The following MEF2A variants were observed in gnomAD, a reference collection of about 807,000 sequenced individuals.
MEF2A encodes myocyte-specific enhancer factor 2A.
A neutral mutation model predicts 55.8 loss-of-function variants in MEF2A; 28 were observed. The observed-to-expected ratio is 0.50, with a 90% CI of 0.37 to 0.69. MEF2A has a LOEUF of 0.69. Among genes scored for constraint, MEF2A ranks in the 30% least tolerant of loss-of-function variants. The probability of loss-of-function intolerance (pLI) is 0.00; values close to 1 mark genes in which losing one functional copy is unlikely to be tolerated. For synonymous variants in MEF2A, 239 were observed against 227.1 expected, an observed-to-expected ratio of 1.05 and a Z score of -0.47; for missense variants, 528 against 626.2, an observed-to-expected ratio of 0.84 and a Z score of 1.67.
chr15:99,696,721 G>T (rs938773342), intron 8 of MEF2A, among the ~76,000 whole-genome samples: 1 of 151,646 alleles, frequency 6.6e-6, no homozygotes, highest in Non-Finnish European at 1.5e-5. Flanking sequence ...CAATCAAGCA[G>T]AAGAAAGGAA....
chr15:99,593,978 G>A (rs972415778), intron 1 of MEF2A, among the ~76,000 whole-genome samples: 17 of 151,836 alleles, frequency 1.1e-4, no homozygotes, highest in African/African-American at 3.9e-4. Context: ...CACAGGATAC[G>A]TTGCCTTCGG....
chr15:99,696,320 T>G (rs2056475829), intron 8 of MEF2A, among the ~76,000 whole-genome samples: 1 of 152,198 alleles, frequency 6.6e-6, no homozygotes, highest in African/African-American at 2.4e-5. Flanking sequence ...TTTTCACAAG[T>G]GCACATGGAA....
intron 5 of MEF2A, among the ~76,000 whole-genome samples, chr15:99,673,358 A>G (rs2051259880): frequency 6.6e-6 from 1 of 152,202 alleles, no homozygotes; most frequent in African/African-American, 2.4e-5. Context: ...CGCACAAATA[A>G]AAGTGTTTTA....
intron 7 of MEF2A, among the ~76,000 whole-genome samples, chr15:99,683,943 G>A (rs1413379644): frequency 2.6e-5 from 4 of 152,040 alleles, no homozygotes; most frequent in Non-Finnish European, 5.9e-5. Context: ...CCACTTATAA[G>A]TGAAAACATG....
At chr15:99,658,452 C>G (rs750503546) in intron 4 of MEF2A, among the ~76,000 whole-genome samples, 26 of 152,094 alleles carry the variant, frequency 1.7e-4, no homozygotes, top group Admixed American at 3.3e-4. Context: ...TTTAGAAGTT[C>G]TAGCTTATGC....
In MEF2A at chr15:99,583,736, A is replaced by G. The variant is rs186462360; in HGVS notation, c.-224-14694A>G. ...ATAAATATTAGCCTTAATATTTATTACAGGCTAATATTAAGTTTAATGTGG... is the reference window on the plus strand; with the variant it reads ...ATAAATATTAGCCTTAATATTTATTGCAGGCTAATATTAAGTTTAATGTGG... On this transcript the variant is annotated intron_variant, in intron 1 of 11. Transcript: ENST00000557942. Among the ~76,000 whole-genome samples the G allele has an allele frequency of 3.4e-3, 520 of 152,298 alleles. 2 individuals carry two copies. Among genetic ancestry groups the G allele is most frequent in the African/African-American group, 0.012 (489 of 41,572 alleles).
intron 1 of MEF2A, 34 bp downstream of exon 1, chr15:99,566,138 A>C (rs1959196080): frequency 7.1e-6 from 1 of 140,366 alleles, no homozygotes; most frequent in Non-Finnish European, 1.5e-5. Flanking sequence ...TCAGTCCGCG[A>C]CGCCGGTAGT....
rs1049301288 is a variant in MEF2A, at chr15:99,602,219, C to T, written c.-143+3708C>T. Reference sequence around the variant, plus strand: ...AAGTGGGCAGCGTGAGAGATCAGTGCGTGGTTTGACCTTTGACTCAGGGTT... The same window carrying T: ...AAGTGGGCAGCGTGAGAGATCAGTGTGTGGTTTGACCTTTGACTCAGGGTT... On this transcript the variant is annotated intron_variant, in intron 2 of 11. Transcript: ENST00000557942. 2.6e-5 allele frequency among the ~76,000 whole-genome samples: 4 copies of T among 152,084 alleles called. No homozygotes were observed. In the East Asian group the frequency reaches 7.7e-4, roughly 29 times the overall value.
At chr15:99,631,473 A>G (rs1649113591) in intron 2 of MEF2A, among the ~76,000 whole-genome samples, 1 of 152,110 alleles carries the variant, frequency 6.6e-6, no homozygotes, top group Admixed American at 6.5e-5. Flanking sequence ...TGTATATCTC[A>G]TACTCGAGTT....
intron 5 of MEF2A, chr15:99,671,819 A>C (rs931106996): frequency 1.1e-5 from 5 of 453,766 alleles, no homozygotes; most frequent in African/African-American, 8.5e-5. Flanking sequence ...AATTGCTGAA[A>C]TCTTATACAT....
chr15:99,612,032 T>C (rs1421429424), intron 2 of MEF2A, among the ~76,000 whole-genome samples: 2 of 152,206 alleles, frequency 1.3e-5, no homozygotes, highest in Non-Finnish European at 2.9e-5. Context: ...GAATGCCTGC[T>C]AATGAGTATC....
chr15:99,624,488 A>G (rs951427980), intron 2 of MEF2A, among the ~76,000 whole-genome samples: 1 of 152,186 alleles, frequency 6.6e-6, no homozygotes, highest in African/African-American at 2.4e-5. Context: ...ATTTGACCAT[A>G]TGTGAGGGTT....
At chr15:99,693,642 T>C (rs2055927275) in intron 8 of MEF2A, among the ~76,000 whole-genome samples, 1 of 152,126 alleles carries the variant, frequency 6.6e-6, no homozygotes, top group Admixed American at 6.5e-5. Context: ...ACCCCAAAAT[T>C]CTCTACCCAC....
chr15:99,672,723 T>C (rs989896595), intron 5 of MEF2A, among the ~76,000 whole-genome samples: 1 of 152,210 alleles, frequency 6.6e-6, no homozygotes, highest in African/African-American at 2.4e-5. Flanking sequence ...TTTGCATATG[T>C]ATAGTATCTT....
At chr15:99,576,062 CA>C (rs1186025344) in intron 1 of MEF2A, among the ~76,000 whole-genome samples, 1 of 152,184 alleles carries the variant, frequency 6.6e-6, no homozygotes, top group African/African-American at 2.4e-5. Context: ...GTCCTGGAAT[CA>C]GTCATTACAT....
rs995091826 is a variant in MEF2A at position 99,669,897 on chromosome 15, G to A, written c.259-1426G>A. 2.9e-4 allele frequency among the ~76,000 whole-genome samples: 44 copies of A among 152,070 alleles called. 1 individual carries two copies. Among genetic ancestry groups the A allele is most frequent in the Admixed American group, 1.2e-3 (19 of 15,280 alleles). ...AAATATCTTTAGATCTAATTTAATCGTTTATTGATGAACTTCTCTGGGACT... is the reference window on the plus strand; with the variant it reads ...AAATATCTTTAGATCTAATTTAATCATTTATTGATGAACTTCTCTGGGACT... On this transcript the variant is annotated intron_variant, in intron 4 of 11. Transcript: ENST00000557942.
At chr15:99,671,176 G>A (rs2050794489) in intron 4 of MEF2A, 147 bp from the exon 5 acceptor site, 1 of 672,032 alleles carries the variant, frequency 1.5e-6, no homozygotes, top group African/African-American at 1.8e-5. Context: ...ATTTGAAGAA[G>A]TAAGTACATT....
intron 1 of MEF2A, among the ~76,000 whole-genome samples, chr15:99,593,297 G>C (rs1190012835): frequency 6.6e-6 from 1 of 152,270 alleles, no homozygotes; most frequent in Non-Finnish European, 1.5e-5. Flanking sequence ...CGTCCTGACT[G>C]TGCATCCAAG....
At chr15:99,577,579 T>C (rs1043915597) in intron 1 of MEF2A, among the ~76,000 whole-genome samples, 12 of 152,234 alleles carry the variant, frequency 7.9e-5, no homozygotes, top group Non-Finnish European at 1.3e-4. Context: ...AACCATAATG[T>C]AAATGCCAAA....
Sources: gnomAD v4.1 joint callset for allele counts (sites outside exome capture counted in the v4.1 genomes callset) on GRCh38, gnomAD v4.1.1 for gene constraint, MANE v1.5 for transcripts, NCBI Gene and HGNC (gene_info 2026-07-23, HGNC 2026-07-21) for gene names.